SH2D4B: variants seen among roughly 807,000 people sequenced by gnomAD.
SH2D4B encodes SH2 domain-containing protein 4B.
SH2D4B carries 45 observed loss-of-function variants against 61.5 expected under a neutral mutation model. The observed-to-expected ratio is 0.73, with a 90% CI of 0.58 to 0.94. The LOEUF (loss-of-function observed/expected upper bound fraction) is 0.94, where lower values mean the gene tolerates loss of function less well. Among genes scored for constraint, SH2D4B ranks in the 40% least tolerant of loss-of-function variants. The pLI is 0.00. For missense variants in SH2D4B, 572 were observed against 574.2 expected (o/e 1.00, Z 0.04); for synonymous variants, 224 against 220.4 (o/e 1.02, Z -0.14).
intron 7 of SH2D4B, among the ~76,000 whole-genome samples, chr10:80,640,816 C>T (rs998830813): frequency 1.3e-5 from 2 of 152,200 alleles, no homozygotes; most frequent in Admixed American, 6.5e-5. Flanking sequence ...CATTCTTCCT[C>T]CAGCTTTGTT....
intron 4 of SH2D4B, among the ~76,000 whole-genome samples, chr10:80,601,933 A>G (rs1842455303): frequency 6.6e-6 from 1 of 152,236 alleles, no homozygotes. Context: ...TTAGAAGAAC[A>G]AGGCCAGCAA....
At chr10:80,544,299 G>A (rs1302309330) in intron 1 of SH2D4B, among the ~76,000 whole-genome samples, 1 of 152,142 alleles carries the variant, frequency 6.6e-6, no homozygotes, top group African/African-American at 2.4e-5. Context: ...GAGCCAGCGA[G>A]ACCACGAACC....
intron 6 of SH2D4B, among the ~76,000 whole-genome samples, chr10:80,630,207 G>A (rs1842814346): frequency 1.3e-5 from 2 of 152,200 alleles, no homozygotes; most frequent in Non-Finnish European, 2.9e-5. Flanking sequence ...AAGACTGCCT[G>A]CTAGAGGAAT....
At chr10:80,581,730 G>A (rs61411102) in intron 3 of SH2D4B, among the ~76,000 whole-genome samples, 12,708 of 152,160 alleles carry the variant, frequency 0.084, 567 homozygotes, top group African/African-American at 0.12. Context: ...GTGGTACTTC[G>A]TTATGGCGGC....
chr10:80,599,591 C>T (rs1437627160), intron 4 of SH2D4B, among the ~76,000 whole-genome samples: 1 of 152,122 alleles, frequency 6.6e-6, no homozygotes, highest in African/African-American at 2.4e-5. Context: ...TCCTGGAGGC[C>T]ACAGGGGGTC....
At chr10:80,580,724 G>A (rs1211343063) in intron 3 of SH2D4B, among the ~76,000 whole-genome samples, 1 of 152,198 alleles carries the variant, frequency 6.6e-6, no homozygotes, top group Non-Finnish European at 1.5e-5. Flanking sequence ...CATTTGTCTT[G>A]ATGACATTTT....
chr10:80,623,388 C>A (rs903512936), intron 6 of SH2D4B, among the ~76,000 whole-genome samples: 9 of 152,296 alleles, frequency 5.9e-5, no homozygotes, highest in East Asian at 1.9e-4. Flanking sequence ...AGAGAATGAA[C>A]CTGCTGCTTC....
intron 3 of SH2D4B, among the ~76,000 whole-genome samples, chr10:80,585,433 G>A (rs1455365048): frequency 6.6e-6 from 1 of 151,658 alleles, no homozygotes; most frequent in Non-Finnish European, 1.5e-5. Flanking sequence ...TCCTGCCTCA[G>A]CCTCCCAAGT....
chr10:80,605,755 G>T (rs535923962), intron 5 of SH2D4B, among the ~76,000 whole-genome samples: 23 of 152,162 alleles, frequency 1.5e-4, no homozygotes, highest in Non-Finnish European at 2.2e-4. Flanking sequence ...CTGACCTCAG[G>T]TGATCCACCT....
intron 7 of SH2D4B, among the ~76,000 whole-genome samples, chr10:80,638,049 G>T (rs1330383525): frequency 6.6e-6 from 1 of 152,142 alleles, no homozygotes; most frequent in Non-Finnish European, 1.5e-5. Context: ...ATAATCATGT[G>T]GTTTTTGTCA....
chr10:80,575,855 C>T (rs1196176541), intron 3 of SH2D4B, among the ~76,000 whole-genome samples: 1 of 152,188 alleles, frequency 6.6e-6, no homozygotes, highest in East Asian at 1.9e-4. Flanking sequence ...ATTTTCACAC[C>T]TATTGAAATG....
intron 6 of SH2D4B, among the ~76,000 whole-genome samples, chr10:80,618,304 T>C (rs775701819): frequency 2.0e-5 from 3 of 152,324 alleles, no homozygotes; most frequent in Non-Finnish European, 4.4e-5. Flanking sequence ...GTCATTTTAC[T>C]GGGTGATACC....
chr10:80,613,563 G>A (rs1842626454), intron 6 of SH2D4B, among the ~76,000 whole-genome samples: 1 of 152,366 alleles, frequency 6.6e-6, no homozygotes, highest in East Asian at 1.9e-4. Context: ...ATCTCCATGT[G>A]ACCCTGCTCA....
chr10:80,585,211 A>C (rs1023266167), intron 3 of SH2D4B, among the ~76,000 whole-genome samples: 4 of 152,168 alleles, frequency 2.6e-5, no homozygotes, highest in African/African-American at 9.7e-5. Flanking sequence ...TTAAGACATA[A>C]TCATACCCTG....
chr10:80,542,282 C>T (rs1841590602), intron 1 of SH2D4B, among the ~76,000 whole-genome samples: 2 of 152,178 alleles, frequency 1.3e-5, no homozygotes, highest in South Asian at 4.2e-4. Flanking sequence ...TCTGCTTACT[C>T]AGTCATCCCA....
intron 4 of SH2D4B, among the ~76,000 whole-genome samples, chr10:80,592,171 A>T (rs1487023982): frequency 6.6e-6 from 1 of 152,058 alleles, no homozygotes; most frequent in East Asian, 1.9e-4. Flanking sequence ...AATGTGCTTT[A>T]TGGCTGTTTA....
intron 3 of SH2D4B, among the ~76,000 whole-genome samples, chr10:80,587,431 C>T (rs926090430): frequency 6.6e-6 from 1 of 152,096 alleles, no homozygotes; most frequent in African/African-American, 2.4e-5. Flanking sequence ...ACACATGCGC[C>T]ACCATGCTGG....
At chr10:80,611,706 G>A (rs960104134) in intron 6 of SH2D4B, among the ~76,000 whole-genome samples, 2 of 152,196 alleles carry the variant, frequency 1.3e-5, no homozygotes, top group African/African-American at 4.8e-5. Context: ...TGTGCCGGGT[G>A]CTCCAACTGC....
intron 3 of SH2D4B, among the ~76,000 whole-genome samples, chr10:80,575,728 T>C (rs1028161201): frequency 6.6e-5 from 10 of 152,288 alleles, no homozygotes; most frequent in South Asian, 2.1e-4. Context: ...CGAGTGGAGA[T>C]TGAGCCACTG....
Sources: gnomAD v4.1 joint callset for allele counts (sites outside exome capture counted in the v4.1 genomes callset) on GRCh38, gnomAD v4.1.1 for gene constraint, MANE v1.5 for transcripts, NCBI Gene and HGNC (gene_info 2026-07-23, HGNC 2026-07-21) for gene names.